Variants in KHDC4 observed in about 807,000 individuals in gnomAD.
The protein encoded by KHDC4 is KH homology domain-containing protein 4.
In KHDC4, 19 loss-of-function variants were observed where a neutral mutation model predicts 74.5. The observed-to-expected ratio is 0.26, with a 90% CI of 0.18 to 0.37. The LOEUF (loss-of-function observed/expected upper bound fraction) is 0.37. KHDC4 is among the 10% of genes least tolerant of loss of function. The pLI is 1.00. For synonymous variants in KHDC4, 253 were observed against 266.1 expected (o/e 0.95, Z 0.48); for missense variants, 632 against 754.1 (o/e 0.84, Z 1.90).
At chr1:155,927,994 T>C (rs1361145848) in intron 4 of KHDC4, among the ~76,000 whole-genome samples, 1 of 152,044 alleles carries the variant, frequency 6.6e-6, no homozygotes, top group South Asian at 2.1e-4. Context: ...TCAATAACCA[T>C]ATATAGTTAA....
chr1:155,932,869 A>G (rs1323356399), intron 2 of KHDC4, among the ~76,000 whole-genome samples: 1 of 152,142 alleles, frequency 6.6e-6, no homozygotes, highest in Non-Finnish European at 1.5e-5. Flanking sequence ...CCCAGGAGAC[A>G]GAGGTTGTAG....
rs749334474 is a variant in KHDC4, at chr1:155,934,404, C to G, written c.-31G>C. 3.1e-6 allele frequency: 5 copies of G among 1,610,324 alleles called. No individual in the cohort carries two copies. Among genetic ancestry groups the G allele is most frequent in the Non-Finnish European group, 4.2e-6 (5 of 1,178,760 alleles). ...CCGCTTCTACTCAACCACCCGCCAA[C>G]TATCCGACTACCACCTCTCGTCACT... On this transcript the variant is annotated 5_prime_UTR_variant, in exon 1 of 14. Transcript: ENST00000368321.
Position 155,925,702 on chromosome 1 carries a change from C to G in KHDC4, c.823G>C (p.Gly275Arg). The change falls in exon 7 of 14, where the codon GGC becomes CGC. Residue 275 changes from glycine to arginine, a missense_variant. Around this residue, in one of 4 missense-constraint regions of KHDC4, gnomAD observed 233 missense variants for 342.6 expected, o/e 0.68. Transcript: ENST00000368321. Reference protein sequence around the residue: ...IETGAKVFLRGKGSGCIEPAS... With the variant: ...IETGAKVFLRRKGSGCIEPAS... The stretch of plus-strand genomic sequence containing the variant: ...GGCTCAATGCAGCCTGAACCTTTGC[C>G]CCGCAGGAAGACTTTGGCACCTGTT... 1 of 1,614,146 alleles carries G rather than the reference C, an allele frequency of 6.2e-7. No homozygotes were observed. Among genetic ancestry groups the G allele is most frequent in the Non-Finnish European group, 8.5e-7 (1 of 1,180,040 alleles).
At chr1:155,929,217 T>C in intron 4 of KHDC4, 79 bp downstream of exon 4, 1 of 959,182 alleles carries the variant, frequency 1.0e-6, no homozygotes, top group Non-Finnish European at 1.7e-6. Context: ...TGTACACGTA[T>C]TACCTAAGGA....
At chr1:155,924,232 C>G (rs1673932852) in intron 7 of KHDC4, among the ~76,000 whole-genome samples, 1 of 152,102 alleles carries the variant, frequency 6.6e-6, no homozygotes, top group Admixed American at 6.5e-5. Context: ...CAGGAGGCGA[C>G]AGAATCTTGC....
At chr1:155,929,649 T>C in intron 3 of KHDC4, 63 bp downstream of exon 3, 2 of 1,557,446 alleles carry the variant, frequency 1.3e-6, no homozygotes, top group Non-Finnish European at 1.7e-6. Flanking sequence ...CCTGTCTATT[T>C]AGAGGTCTTC....
chr1:155,921,669 A>T, intron 9 of KHDC4, 41 bp from the exon 10 acceptor site: 1 of 1,592,064 alleles, frequency 6.3e-7, no homozygotes, highest in Non-Finnish European at 8.6e-7. Context: ...GCTGCAGCAG[A>T]ATGAGACAAT....
At chr1:155,929,941 T>C (rs1674106571) in intron 2 of KHDC4, 101 bp from the exon 3 acceptor site, 17 of 760,022 alleles carry the variant, frequency 2.2e-5, no homozygotes, top group Non-Finnish European at 3.0e-5. Context: ...TTTTTTGAGA[T>C]GGAGTCTGTC....
intron 10 of KHDC4, among the ~76,000 whole-genome samples, chr1:155,920,513 A>C (rs1167924752): frequency 6.6e-6 from 1 of 152,148 alleles, no homozygotes; most frequent in Non-Finnish European, 1.5e-5. Flanking sequence ...CTTACATTTG[A>C]AAAGTTTATA....
rs1346042818 is a variant in KHDC4, at chr1:155,923,619, C to G, written c.954+8G>C. 2 of 1,609,258 alleles carry G rather than the reference C, an allele frequency of 1.2e-6. No homozygotes were observed. The highest frequency in any genetic ancestry group is 1.7e-6 in the Non-Finnish European group (2 of 1,175,624). ...CTTCTGAATGAGTATCAGACAAATA[C>G]AACTCACTGTTTGCAAAAGATTCTC... On this transcript the variant is annotated splice_region_variant and intron_variant, in intron 8 of 13. Transcript: ENST00000368321.
intron 7 of KHDC4, among the ~76,000 whole-genome samples, chr1:155,924,864 G>A (rs1359543606): frequency 2.6e-5 from 4 of 151,240 alleles, no homozygotes; most frequent in East Asian, 2.0e-4. Flanking sequence ...GTGAGCCACC[G>A]CACCTGGTTT....
intron 2 of KHDC4, among the ~76,000 whole-genome samples, chr1:155,931,329 GA>G (rs1674137926): frequency 6.8e-6 from 1 of 146,142 alleles, no homozygotes; most frequent in East Asian, 2.0e-4. Flanking sequence ...CAGAAAGAAA[GA>G]AAGAAAGAAT....
At position 155,915,926 on chromosome 1, in the gene KHDC4, A is replaced by G; in HGVS notation, c.1592T>C (p.Ile531Thr). The change falls in exon 13 of 14, where the codon ATA becomes ACA. Residue 531 changes from isoleucine (I) to threonine (T), a missense_variant. Coordinates refer to ENST00000368321, the MANE Select transcript of KHDC4 (RefSeq NM_014949.4). ...MPPPAFPVTGIKTESDERNGS... is the reference protein window; with the variant it reads ...MPPPAFPVTGTKTESDERNGS... The stretch of plus-strand genomic sequence containing the variant: ...ATTCCTTTCATCGGACTCTGTTTTT[A>G]TTCCAGTCACTGGAAAGGCTGGTGG... 6.3e-7 allele frequency: 1 copy of G among 1,599,538 alleles called. No homozygotes were observed. Among genetic ancestry groups the G allele is most frequent in the African/African-American group, 1.4e-5 (1 of 73,778 alleles).
chr1:155,916,482 C>A, intron 12 of KHDC4, 143 bp downstream of exon 12: 2 of 646,800 alleles, frequency 3.1e-6, no homozygotes, highest in South Asian at 3.9e-5. Context: ...TTCATTGCAT[C>A]AATTACAACA....
chr1:155,925,950 C>T (rs752083634), intron 6 of KHDC4, 107 bp from the exon 7 acceptor site: 2 of 996,446 alleles, frequency 2.0e-6, no homozygotes, highest in Non-Finnish European at 3.2e-6. Context: ...TCCTGTAAAA[C>T]TGGGGTAGAG....
intron 13 of KHDC4, 101 bp from the exon 14 acceptor site, chr1:155,914,421 T>G: frequency 2.1e-6 from 2 of 964,770 alleles, no homozygotes; most frequent in Non-Finnish European, 3.1e-6. Flanking sequence ...TTTTAAGTGG[T>G]TAGTTGGACA....
Position 155,917,680 on chromosome 1 carries a change from C to A in KHDC4, c.1267-8G>T. The A allele has an allele frequency of 6.7e-7, 1 of 1,494,882 alleles. No homozygotes were observed. Among genetic ancestry groups the A allele is most frequent in the Non-Finnish European group, 8.9e-7 (1 of 1,126,972 alleles). The allele number at this position is 1,494,882 out of a possible 1,614,324, so 92.6% of individuals were successfully genotyped here. The stretch of plus-strand genomic sequence containing the variant: ...AGGACCACCCATCGGACTCTGGGAC[C>A]AAAACAAACCAAGGAAGAAAAAAAG... On this transcript the variant is annotated splice_polypyrimidine_tract_variant and splice_region_variant and intron_variant, in intron 10 of 13. Coordinates refer to ENST00000368321, the MANE Select transcript of KHDC4 (RefSeq NM_014949.4).
chr1:155,928,767 A>G (rs1317575261), intron 4 of KHDC4, among the ~76,000 whole-genome samples: 1 of 151,866 alleles, frequency 6.6e-6, no homozygotes, highest in Non-Finnish European at 1.5e-5. Context: ...CCTGGCTAAC[A>G]CGGTGAAGCT....
chr1:155,933,799 G>C lies in KHDC4; in HGVS notation c.89C>G (p.Pro30Arg), dbSNP rs142107101. Reference sequence around the variant, plus strand: ...GACCTCCCCACCTGGGGCCGCTGGCGGGAGGAAGAGAAGTGGGGCTGGAGC... The same window carrying C: ...GACCTCCCCACCTGGGGCCGCTGGCCGGAGGAAGAGAAGTGGGGCTGGAGC... Reference protein sequence around the residue: ...QPAPAPLLFLPPAAPGGEVTS... With the variant: ...QPAPAPLLFLRPAAPGGEVTS... The change falls in exon 2 of 14, where the codon CCG becomes CGG. Residue 30 changes from proline (P) to arginine (R), a missense_variant. This residue lies in a region of KHDC4 where 104 missense variants were observed against 78.1 expected (regional missense o/e 1.33). Coordinates refer to ENST00000368321, the MANE Select transcript of KHDC4 (RefSeq NM_014949.4). 25 of 1,592,720 alleles carry C rather than the reference G, an allele frequency of 1.6e-5. No homozygotes were observed. The highest frequency in any genetic ancestry group is 2.1e-5 in the Non-Finnish European group (25 of 1,168,148).
Sources: allele counts gnomAD v4.1 joint callset (sites outside exome capture counted in the v4.1 genomes callset), GRCh38; gene constraint gnomAD v4.1.1; regional missense constraint gnomAD v4.1.1; transcripts MANE v1.5; gene names NCBI Gene and HGNC (gene_info 2026-07-23, HGNC 2026-07-21).